The following ZDHHC6 variants were observed in gnomAD, a reference collection of about 807,000 sequenced individuals.
The protein encoded by ZDHHC6 is palmitoyltransferase ZDHHC6.
In ZDHHC6, 32 loss-of-function variants were observed where a neutral mutation model predicts 57.8. That is an observed-to-expected ratio of 0.55 (90% CI 0.42 to 0.74). The LOEUF (loss-of-function observed/expected upper bound fraction) is 0.74. Among genes scored for constraint, ZDHHC6 ranks in the 30% least tolerant of loss-of-function variants. The probability of loss-of-function intolerance (pLI) is 0.00; values close to 1 mark genes in which losing one functional copy is unlikely to be tolerated. For missense variants in ZDHHC6, 433 were observed against 500.7 expected (o/e 0.86, Z 1.29); for synonymous variants, 128 against 158.0 (o/e 0.81, Z 1.42).
chr10:112,434,575 C>T, intron 6 of ZDHHC6, 111 bp from the exon 7 acceptor site: 1 of 1,117,026 alleles, frequency 9.0e-7, no homozygotes, highest in South Asian at 1.8e-5. Context: ...AAAAATACTT[C>T]CTCCTTGCTG....
At chr10:112,441,969 C>T (rs1846159199) in intron 4 of ZDHHC6, among the ~76,000 whole-genome samples, 1 of 152,202 alleles carries the variant, frequency 6.6e-6, no homozygotes, top group South Asian at 2.1e-4. Flanking sequence ...TTATCACCTT[C>T]AACTACAGCA....
rs1293056258 is a variant in ZDHHC6, at chr10:112,440,596, A to G, written c.619T>C (p.Leu207=). ...CCTAAAGCTAATCCCAAGGCAAACA[A>G]GGTGGTAGCAAATGCAGCTAATCCA... ...PFGLAAFATT[L]FALGLALGTT... The change falls in exon 5 of 11, where the codon TTG becomes CTG. Residue 207 remains leucine, a synonymous_variant. Transcript: ENST00000369405. The G allele has an allele frequency of 6.2e-7, 1 of 1,613,988 alleles. No individual in the cohort carries two copies. The highest frequency in any genetic ancestry group is 8.5e-7 in the Non-Finnish European group (1 of 1,179,998).
chr10:112,434,542 T>C (rs539718734), intron 6 of ZDHHC6, 78 bp from the exon 7 acceptor site: 1 of 1,329,210 alleles, frequency 7.5e-7, no homozygotes, highest in South Asian at 1.6e-5. Context: ...AGAACACTTA[T>C]TTCTCAAGTT....
intron 3 of ZDHHC6, among the ~76,000 whole-genome samples, chr10:112,443,310 T>G (rs1017951318): frequency 6.6e-6 from 1 of 152,200 alleles, no homozygotes; most frequent in Non-Finnish European, 1.5e-5. Flanking sequence ...ATCTTTTCAC[T>G]TGTAACAAGG....
downstream of ZDHHC6, chr10:112,426,360 G>A (rs752780302): frequency 8.1e-6 from 13 of 1,613,734 alleles, no homozygotes; most frequent in Non-Finnish European, 1.1e-5. Context: ...CCAAAACCAA[G>A]TAAGTCTTGC....
chr10:112,433,042 T>G (rs1845185906), intron 8 of ZDHHC6, among the ~76,000 whole-genome samples, 198 bp downstream of exon 8: 2 of 152,226 alleles, frequency 1.3e-5, no homozygotes, highest in Admixed American at 6.5e-5. Context: ...ATAAATGGAC[T>G]AAATTCCTCC....
chr10:112,439,352 G>A (rs1589741071), intron 5 of ZDHHC6, among the ~76,000 whole-genome samples: 1 of 152,136 alleles, frequency 6.6e-6, no homozygotes, highest in East Asian at 1.9e-4. Context: ...TGGTTTTTGG[G>A]CCGGGCACAG....
At chr10:112,435,341 T>G (rs1012728063) in intron 6 of ZDHHC6, among the ~76,000 whole-genome samples, 8 of 152,356 alleles carry the variant, frequency 5.3e-5, no homozygotes, top group Non-Finnish European at 7.4e-5. Context: ...GGTCATTTGT[T>G]TGAATTTTTT....
chr10:112,441,553 A>G (rs1291071858), intron 4 of ZDHHC6, among the ~76,000 whole-genome samples: 1 of 152,152 alleles, frequency 6.6e-6, no homozygotes, highest in Non-Finnish European at 1.5e-5. Context: ...AGATTTTCAG[A>G]TTTTTCTGGG....
At chr10:112,447,222 C>G (rs1013492236), upstream of ZDHHC6, 11 of 695,556 alleles carry the variant, frequency 1.6e-5, no homozygotes, top group Non-Finnish European at 2.3e-5. Flanking sequence ...GACGAACAAC[C>G]AGGAAGCGGC....
At chr10:112,437,374 G>T (rs964958225) in intron 6 of ZDHHC6, among the ~76,000 whole-genome samples, 8 of 152,154 alleles carry the variant, frequency 5.3e-5, no homozygotes, top group African/African-American at 1.4e-4. Context: ...TTAATTCAAA[G>T]AGCAAGATAG....
chr10:112,445,194 G>C lies in ZDHHC6; in HGVS notation c.243C>G (p.Gly81=), dbSNP rs754290859. ...CCGGTTTCCACCCCAGAGGGACAAAGCCCGGACCGACAAACATGGCATTGA... is the reference window on the plus strand; with the variant it reads ...CCGGTTTCCACCCCAGAGGGACAAACCCCGGACCGACAAACATGGCATTGA... The part of the protein sequence containing the change: ...NYFNAMFVGP[G]FVPLGWKPEI... Residue 81 remains glycine, a synonymous_variant, in exon 2 of 11, where the codon GGC becomes GGG. Coordinates refer to ENST00000369405, the MANE Select transcript of ZDHHC6 (RefSeq NM_022494.3). The C allele has an allele frequency of 1.2e-6, 2 of 1,613,776 alleles. No individual in the cohort carries two copies. The highest frequency in any genetic ancestry group is 4.5e-5 in the East Asian group (2 of 44,868).
rs750841358 is a variant in ZDHHC6 at position 112,442,369 on chromosome 10, C to T, written c.360-18G>A. ...TCACACATCTAACAAGAAAAATTTA[C>T]ATAAAACATGAGGCAGAAAATCCTG... On this transcript the variant is annotated intron_variant, in intron 3 of 10. Coordinates refer to ENST00000369405, the MANE Select transcript of ZDHHC6 (RefSeq NM_022494.3). 1.3e-6 allele frequency: 2 copies of T among 1,596,462 alleles called. No homozygotes were observed. Among genetic ancestry groups the T allele is most frequent in the Non-Finnish European group, 1.7e-6 (2 of 1,173,658 alleles).
intron 8 of ZDHHC6, among the ~76,000 whole-genome samples, chr10:112,432,752 TAG>T (rs1845162120): frequency 6.6e-6 from 1 of 152,038 alleles, no homozygotes; most frequent in Non-Finnish European, 1.5e-5. Context: ...AGCTAAGAAT[TAG>T]AGTTAGAGCA....
chr10:112,439,732 G>C (rs1201303655), intron 5 of ZDHHC6, among the ~76,000 whole-genome samples: 2 of 143,412 alleles, frequency 1.4e-5, no homozygotes, highest in African/African-American at 5.2e-5. Context: ...TGTTCTCATA[G>C]CACTGTGCAC....
chr10:112,426,981 T>C (rs774408057), downstream of ZDHHC6: 1 of 987,416 alleles, frequency 1.0e-6, no homozygotes, highest in Non-Finnish European at 1.5e-6. Context: ...TGCCATTAAC[T>C]ACAAAATGAC....
In ZDHHC6 at chr10:112,430,830, G is replaced by T; in HGVS notation, c.1216C>A (p.Pro406Thr). ...CPCDAETDQA[P>T]EGEKKNR ...TATCTATTTTTCTTCTCCCCCTCTGGGGCTTGATCTGTTTCAGCATCACAG... is the reference window on the plus strand; with the variant it reads ...TATCTATTTTTCTTCTCCCCCTCTGTGGCTTGATCTGTTTCAGCATCACAG... Residue 406 changes from proline to threonine, a missense_variant, in exon 11 of 11, where the codon CCA (proline) becomes ACA (threonine). Coordinates refer to ENST00000369405, the MANE Select transcript of ZDHHC6 (RefSeq NM_022494.3). 6.2e-7 allele frequency: 1 copy of T among 1,613,100 alleles called. No individual in the cohort carries two copies. Among genetic ancestry groups the T allele is most frequent in the Non-Finnish European group, 8.5e-7 (1 of 1,179,578 alleles).
chr10:112,440,176 T>C (rs1845973032), intron 5 of ZDHHC6, among the ~76,000 whole-genome samples: 1 of 151,336 alleles, frequency 6.6e-6, no homozygotes, highest in Admixed American at 6.6e-5. Context: ...CTTAACCTTT[T>C]TGAGAATCAA....
intron 5 of ZDHHC6, among the ~76,000 whole-genome samples, chr10:112,439,466 A>C (rs112478326): frequency 1.3e-5 from 2 of 151,624 alleles, no homozygotes; most frequent in African/African-American, 4.9e-5. Context: ...CCCCGTCTCC[A>C]CTAAAAACAC....
Sources: gnomAD v4.1 joint callset for allele counts (sites outside exome capture counted in the v4.1 genomes callset) on GRCh38, gnomAD v4.1.1 for gene constraint, MANE v1.5 for transcripts, NCBI Gene and HGNC (gene_info 2026-07-23, HGNC 2026-07-21) for gene names.